The following DENND1A variants were observed in gnomAD, a reference collection of about 807,000 sequenced individuals.
The protein encoded by DENND1A is DENN domain containing 1A, also known as DENN domain-containing protein 1A.
DENND1A carries 51 observed loss-of-function variants against 113.7 expected under a neutral mutation model. That is an observed-to-expected ratio of 0.45 (90% CI 0.36 to 0.57). The LOEUF (loss-of-function observed/expected upper bound fraction) is 0.57. Ranked by LOEUF, DENND1A falls within the 20% of genes least tolerant of loss-of-function variation. The pLI, the probability that DENND1A is intolerant of heterozygous loss-of-function variation, is 0.00. For missense variants in DENND1A, 1,258 were observed against 1,395.9 expected, an observed-to-expected ratio of 0.90 and a Z score of 1.57; for synonymous variants, 565 against 570.8, an observed-to-expected ratio of 0.99 and a Z score of 0.14.
intron 12 of DENND1A, among the ~76,000 whole-genome samples, chr9:123,569,780 G>T (rs1016723539): frequency 6.6e-6 from 1 of 152,168 alleles, no homozygotes; most frequent in Non-Finnish European, 1.5e-5. Context: ...ATCAGTAGAC[G>T]TGGGGTGGGG....
intron 2 of DENND1A, among the ~76,000 whole-genome samples, chr9:123,809,876 G>A (rs1318943446): frequency 2.0e-5 from 3 of 152,034 alleles, no homozygotes; most frequent in Non-Finnish European, 4.4e-5. Flanking sequence ...TCACCACGTC[G>A]GCCAGGCTGG....
At chr9:123,841,493 T>C (rs1841829529) in intron 2 of DENND1A, among the ~76,000 whole-genome samples, 1 of 152,168 alleles carries the variant, frequency 6.6e-6, no homozygotes, top group South Asian at 2.1e-4. Flanking sequence ...CATACAGTGG[T>C]GAAGAAAATA....
intron 13 of DENND1A, among the ~76,000 whole-genome samples, chr9:123,473,294 AAG>A (rs1414534164): frequency 1.3e-5 from 2 of 152,158 alleles, no homozygotes; most frequent in African/African-American, 2.4e-5. Context: ...AGGGATGGAA[AAG>A]AGAGAATGTA....
intron 21 of DENND1A, among the ~76,000 whole-genome samples, chr9:123,391,099 G>A (rs2042819180): frequency 6.6e-6 from 1 of 152,198 alleles, no homozygotes. Flanking sequence ...GAGGGGGCTG[G>A]GGGCTTCCAC....
intron 5 of DENND1A, among the ~76,000 whole-genome samples, chr9:123,683,478 C>G (rs180945367): frequency 1.3e-5 from 2 of 152,242 alleles, no homozygotes; most frequent in Admixed American, 1.3e-4. Context: ...ATACTTGATG[C>G]ATTATTCTTT....
chr9:123,663,833 T>A (rs1161605147), intron 8 of DENND1A, among the ~76,000 whole-genome samples: 1 of 151,520 alleles, frequency 6.6e-6, no homozygotes, highest in African/African-American at 2.4e-5. Context: ...AAAATGTAAG[T>A]TTTGAAACTT....
chr9:123,715,170 ACT>A (rs1293822572), intron 5 of DENND1A, among the ~76,000 whole-genome samples: 3 of 147,544 alleles, frequency 2.0e-5, no homozygotes, highest in South Asian at 2.1e-4. Context: ...GGTGACAGAG[ACT>A]CTGTCTCCAA....
intron 5 of DENND1A, among the ~76,000 whole-genome samples, chr9:123,689,798 T>C (rs1358375412): frequency 1.3e-5 from 2 of 151,812 alleles, no homozygotes; most frequent in African/African-American, 4.8e-5. Flanking sequence ...GGGGAAACCC[T>C]GTCTCTACAA....
At chr9:123,695,258 A>C (rs2140477068) in intron 5 of DENND1A, among the ~76,000 whole-genome samples, 1 of 152,250 alleles carries the variant, frequency 6.6e-6, no homozygotes, top group African/African-American at 2.4e-5. Context: ...TATAAGCCTT[A>C]ACTTCAAAAG....
At position 123,381,608 on chromosome 9, in the gene DENND1A, G is replaced by A; in HGVS notation, c.3037C>T (p.Pro1013Ser). 1 of 1,613,070 alleles carries A rather than the reference G, an allele frequency of 6.2e-7. No homozygotes were observed. Among genetic ancestry groups the A allele is most frequent in the Non-Finnish European group, 8.5e-7 (1 of 1,179,798 alleles). Residue 1013 changes from proline (P) to serine (S), a missense_variant, in exon 24 of 24, where the codon CCC becomes TCC. Pro to Ser is a moderately conservative substitution (Grantham distance 74). Coordinates refer to ENST00000394215, the MANE Select transcript of DENND1A (RefSeq NM_001352964.2). The surrounding 1 kb of genome is among the most constrained non-coding windows in gnomAD (Gnocchi z 4.7). ...LRPGDPPLLP[P>S]RPPQGLEPTL... ...GGCTCCAGGCCTTGAGGGGGCCTGG[G>A]AGGCAGAAGCGGGGGGTCTCCAGGC... is the stretch of plus-strand genomic sequence containing the variant.
intron 3 of DENND1A, among the ~76,000 whole-genome samples, chr9:123,770,572 G>A (rs964303277): frequency 3.3e-5 from 5 of 152,094 alleles, no homozygotes; most frequent in Non-Finnish European, 7.4e-5. Context: ...GACAGCCCAC[G>A]GTTGGTGCTT....
At chr9:123,747,020 G>C (rs7847303) in intron 5 of DENND1A, among the ~76,000 whole-genome samples, 12,539 of 151,856 alleles carry the variant, frequency 0.083, 599 homozygotes, top group Middle Eastern at 0.12. Flanking sequence ...GTTTTGGCTT[G>C]GGGTTGTTTT....
At chr9:123,690,917 T>G (rs780906018) in intron 5 of DENND1A, among the ~76,000 whole-genome samples, 18 of 152,240 alleles carry the variant, frequency 1.2e-4, no homozygotes, top group Non-Finnish European at 2.1e-4. Flanking sequence ...GAGAGCCTCA[T>G]GCTCTTCCTC....
intron 5 of DENND1A, among the ~76,000 whole-genome samples, chr9:123,695,316 C>T (rs957726415): frequency 8.5e-5 from 13 of 152,060 alleles, no homozygotes; most frequent in East Asian, 1.9e-4. Context: ...AAAGTCCATA[C>T]GCTAAATATT....
chr9:123,724,937 C>T (rs372771338), intron 5 of DENND1A, among the ~76,000 whole-genome samples: 1 of 152,140 alleles, frequency 6.6e-6, no homozygotes, highest in Non-Finnish European at 1.5e-5. Context: ...TATGAGATGA[C>T]TTTATTGCAT....
intron 19 of DENND1A, 23 bp downstream of exon 19, chr9:123,440,337 G>A: frequency 1.3e-6 from 2 of 1,580,616 alleles, no homozygotes; most frequent in East Asian, 2.3e-5. Flanking sequence ...AAAACAGACA[G>A]GTAGGAGGGC....
At chr9:123,659,768 C>T (rs1214883517) in intron 8 of DENND1A, among the ~76,000 whole-genome samples, 1 of 152,232 alleles carries the variant, frequency 6.6e-6, no homozygotes, top group African/African-American at 2.4e-5. Flanking sequence ...CTTTCCACTA[C>T]ACCAGATCAT....
At chr9:123,707,380 G>A (rs1159663153) in intron 5 of DENND1A, among the ~76,000 whole-genome samples, 1 of 150,414 alleles carries the variant, frequency 6.6e-6, no homozygotes, top group Non-Finnish European at 1.5e-5. Flanking sequence ...GGGAACAAGA[G>A]CGTTAACTCC....
chr9:123,444,198 C>T (rs2047137653), intron 18 of DENND1A, among the ~76,000 whole-genome samples: 1 of 152,064 alleles, frequency 6.6e-6, no homozygotes, highest in Non-Finnish European at 1.5e-5. Context: ...GCCCTTTGGC[C>T]CACTGCTCCC....
Sources: gnomAD v4.1 joint callset for allele counts (sites outside exome capture counted in the v4.1 genomes callset) on GRCh38, gnomAD v4.1.1 for gene constraint, Gnocchi (gnomAD v3.1) non-coding constraint, MANE v1.5 for transcripts, NCBI Gene and HGNC (gene_info 2026-07-23, HGNC 2026-07-21) for gene names.